DNAAF9: variants seen among roughly 807,000 people sequenced by gnomAD.
The protein encoded by DNAAF9 is shulin.
DNAAF9 carries 90 observed loss-of-function variants against 167.0 expected under a neutral mutation model. The observed-to-expected ratio is 0.54, with a 90% CI of 0.45 to 0.64. DNAAF9 has a LOEUF of 0.64. Among genes scored for constraint, DNAAF9 ranks in the 30% least tolerant of loss-of-function variants. DNAAF9 has a pLI of 0.00. For synonymous variants in DNAAF9, 491 were observed against 508.8 expected (o/e 0.96, Z 0.47); for missense variants, 1,315 against 1,442.2 (o/e 0.91, Z 1.43).
intron 29 of DNAAF9, among the ~76,000 whole-genome samples, chr20:3,274,545 C>T (rs941669451): frequency 2.0e-5 from 3 of 152,154 alleles, no homozygotes; most frequent in African/African-American, 7.2e-5. Flanking sequence ...TTTTGAGTTC[C>T]GCTAATTACT....
At chr20:3,316,912 T>TTG (rs2069512327) in intron 17 of DNAAF9, 119 bp from the exon 18 acceptor site, 8 of 568,616 alleles carry the variant, frequency 1.4e-5, no homozygotes, top group African/African-American at 1.9e-5. Context: ...TTTTTTTTTT[T>TTG]GAGACAGAAT....
In DNAAF9 at chr20:3,376,097, T is replaced by C. The variant is rs570304257; in HGVS notation, c.408+81A>G. 1.5e-5 allele frequency: 19 copies of C among 1,255,928 alleles called. No individual in the cohort carries two copies. In the African/African-American group the frequency reaches 2.7e-4, roughly 18 times the overall value. 77.8% of individuals were successfully genotyped at this position (1,255,928 alleles called of 1,614,324 possible). ...TAGTCACACTCTGCAATTTGATTGC[T>C]GATCCTATTTCAGATCAACACTTTC... On this transcript the variant is annotated intron_variant, in intron 4 of 36. Transcript: ENST00000252032.
Position 3,326,208 on chromosome 20 carries a change from T to C in DNAAF9, c.1177A>G (p.Ser393Gly), listed in dbSNP as rs769985770. The C allele has an allele frequency of 1.0e-5, 16 of 1,603,618 alleles. No homozygotes were observed. The highest frequency in any genetic ancestry group is 1.3e-5 in the Non-Finnish European group (15 of 1,170,590). ...GGTATTTAAATTACCTTTGTTAGAC[T>C]GGAAGTTTTAGCATAACATGCAATG... ...AGIACYAKTS[S>G]LTKAKEVAEQ... The change falls in exon 13 of 37, where the codon AGT becomes GGT. Residue 393 changes from serine (S) to glycine (G), a missense_variant. Transcript: ENST00000252032.
Position 3,284,871 on chromosome 20 carries a change from A to ATG in DNAAF9, c.2486+2759_2486+2760dup, listed in dbSNP as rs949386375. On this transcript the variant is annotated intron_variant, in intron 27 of 36. Transcript: ENST00000252032. ...GTTTTACTTATATTTGTGTGTGTGT[A>ATG]TGTGTGTGTGTGTGTATTAAGTTCT... is the stretch of plus-strand genomic sequence containing the variant. Among the ~76,000 whole-genome samples, 731 of 150,574 alleles carry ATG rather than the reference A, an allele frequency of 4.9e-3. 8 individuals carry two copies. Among genetic ancestry groups the ATG allele is most frequent in the African/African-American group, 0.015 (602 of 40,540 alleles).
chr20:3,335,479 G>A (rs1033640973), intron 10 of DNAAF9, among the ~76,000 whole-genome samples: 9 of 152,174 alleles, frequency 5.9e-5, no homozygotes, highest in East Asian at 1.9e-4. Flanking sequence ...ATTGTTGGCC[G>A]GGCATGGTGG....
At chr20:3,277,734 T>C (rs996847523) in intron 29 of DNAAF9, among the ~76,000 whole-genome samples, 1 of 152,200 alleles carries the variant, frequency 6.6e-6, no homozygotes, top group African/African-American at 2.4e-5. Flanking sequence ...CATTTCATCC[T>C]GTTTCTGAGG....
chr20:3,353,820 G>A (rs992160740), intron 7 of DNAAF9, among the ~76,000 whole-genome samples: 20 of 152,048 alleles, frequency 1.3e-4, no homozygotes, highest in Non-Finnish European at 2.2e-4. Context: ...CTAACTTGTA[G>A]GTGAAAAACG....
intron 16 of DNAAF9, 89 bp from the exon 17 acceptor site, chr20:3,318,489 A>C (rs2069550725): frequency 5.7e-6 from 4 of 703,660 alleles, no homozygotes; most frequent in Non-Finnish European, 7.8e-6. Flanking sequence ...TACTGCCTAA[A>C]GGAACATGGC....
intron 21 of DNAAF9, among the ~76,000 whole-genome samples, chr20:3,299,810 A>G (rs1026587737): frequency 6.6e-6 from 1 of 152,234 alleles, no homozygotes; most frequent in Non-Finnish European, 1.5e-5. Flanking sequence ...AAGAAAATGC[A>G]TGTGTTACAA....
At chr20:3,339,655 A>G (rs2070039196) in intron 10 of DNAAF9, among the ~76,000 whole-genome samples, 1 of 152,218 alleles carries the variant, frequency 6.6e-6, no homozygotes, top group Non-Finnish European at 1.5e-5. Context: ...TTTTACGGTT[A>G]AATCTCAGTC....
intron 32 of DNAAF9, 148 bp from the exon 33 acceptor site, chr20:3,259,702 C>T: frequency 1.4e-6 from 1 of 718,822 alleles, no homozygotes; most frequent in East Asian, 2.6e-5. Context: ...CTGTTGCTCC[C>T]CTGTGGCTCT....
At chr20:3,361,392 C>T (rs117825784) in intron 6 of DNAAF9, among the ~76,000 whole-genome samples, 1 of 152,246 alleles carries the variant, frequency 6.6e-6, no homozygotes, top group East Asian at 1.9e-4. Context: ...AAGCACCCCA[C>T]ACACCCAGCA....
chr20:3,273,012 G>A (rs2068620387), intron 29 of DNAAF9, among the ~76,000 whole-genome samples: 1 of 151,994 alleles, frequency 6.6e-6, no homozygotes, highest in Admixed American at 6.6e-5. Context: ...ATATTTTTTA[G>A]CAGAGATGGA....
At chr20:3,332,907 GTGTGTGTGTGTGTGTGT>G (rs2069865645) in intron 10 of DNAAF9, among the ~76,000 whole-genome samples, 1 of 136,776 alleles carries the variant, frequency 7.3e-6, no homozygotes, top group Non-Finnish European at 1.7e-5. Flanking sequence ...TGTGGTGTGT[GTGTGTGTGTGTGTGTGT>G]GTGTGTGTGT....
intron 9 of DNAAF9, among the ~76,000 whole-genome samples, chr20:3,343,468 A>G (rs2070127115): frequency 6.6e-6 from 1 of 152,214 alleles, no homozygotes; most frequent in Non-Finnish European, 1.5e-5. Flanking sequence ...TTCAAAAGCT[A>G]GTTTACTATA....
intron 6 of DNAAF9, chr20:3,362,131 T>C: frequency 2.2e-6 from 3 of 1,388,166 alleles, no homozygotes; most frequent in East Asian, 2.3e-5. Flanking sequence ...TTTAAGGCTG[T>C]ATATTCGGTT....
chr20:3,345,517 T>G (rs993023275), intron 8 of DNAAF9, among the ~76,000 whole-genome samples: 1 of 152,196 alleles, frequency 6.6e-6, no homozygotes, highest in Non-Finnish European at 1.5e-5. Flanking sequence ...GGATTCTAAC[T>G]TGGTAATGAT....
At chr20:3,392,358 A>G (rs2083838699) in intron 1 of DNAAF9, among the ~76,000 whole-genome samples, 1 of 152,126 alleles carries the variant, frequency 6.6e-6, no homozygotes, top group African/African-American at 2.4e-5. Flanking sequence ...ATTATAACTT[A>G]TTTCTTATTT....
chr20:3,339,612 G>C (rs1426242780), intron 10 of DNAAF9, among the ~76,000 whole-genome samples: 1 of 152,184 alleles, frequency 6.6e-6, no homozygotes, highest in African/African-American at 2.4e-5. Flanking sequence ...GTAGACCTCT[G>C]CTAAGGTAAT....
Sources: allele counts gnomAD v4.1 joint callset (sites outside exome capture counted in the v4.1 genomes callset), GRCh38; gene constraint gnomAD v4.1.1; transcripts MANE v1.5; gene names NCBI Gene and HGNC (gene_info 2026-07-23, HGNC 2026-07-21).